The following TBC1D32 variants were observed in gnomAD, a reference collection of about 807,000 sequenced individuals.
The protein encoded by TBC1D32 is protein broad-minded.
Under a neutral mutation model 170.3 loss-of-function variants are expected in TBC1D32, and 151 were observed. The ratio of observed to expected loss-of-function variants is 0.89; its 90% CI spans 0.78 to 1.01. TBC1D32 has a LOEUF of 1.01. Ranked by LOEUF, TBC1D32 falls within the 50% of genes least tolerant of loss-of-function variation. The pLI is 0.00. For missense variants in TBC1D32, 1,464 were observed against 1,457.1 expected, an observed-to-expected ratio of 1.00 and a Z score of -0.08; for synonymous variants, 498 against 488.0, an observed-to-expected ratio of 1.02 and a Z score of -0.27.
intron 15 of TBC1D32, among the ~76,000 whole-genome samples, chr6:121,261,765 C>A (rs890699665): frequency 2.6e-5 from 4 of 152,158 alleles, no homozygotes. Context: ...GGGCACAGAA[C>A]TGGACGGAGG....
chr6:121,141,135 AATAC>A (rs72367876), intron 24 of TBC1D32, among the ~76,000 whole-genome samples: 58,840 of 151,776 alleles, frequency 0.39, 14,497 homozygotes, highest in Non-Finnish European at 0.56. Context: ...ACTATACATA[AATAC>A]ATAAACTCAC....
chr6:121,279,040 A>G, intron 15 of TBC1D32, 81 bp downstream of exon 15: 3 of 1,455,248 alleles, frequency 2.1e-6, no homozygotes, highest in East Asian at 4.8e-5. Flanking sequence ...GCTTTTTTAG[A>G]TCATTTAATA....
chr6:121,107,199 T>G (rs545437747), intron 29 of TBC1D32, among the ~76,000 whole-genome samples: 3 of 152,044 alleles, frequency 2.0e-5, no homozygotes, highest in East Asian at 3.9e-4. Flanking sequence ...TCATAGCAAT[T>G]ATATGAGTTG....
intron 27 of TBC1D32, 95 bp from the exon 28 acceptor site, chr6:121,113,272 C>T: frequency 2.8e-6 from 2 of 707,276 alleles, no homozygotes; most frequent in South Asian, 2.3e-5. Context: ...ATACAGAGCA[C>T]TTATGAAAGA....
At chr6:121,317,250 T>G (rs1035767555) in intron 3 of TBC1D32, among the ~76,000 whole-genome samples, 3 of 152,152 alleles carry the variant, frequency 2.0e-5, no homozygotes, top group Non-Finnish European at 4.4e-5. Context: ...TTTTTTTTAA[T>G]TCTAACATAC....
At chr6:121,326,600 G>A (rs1810492007) in intron 1 of TBC1D32, among the ~76,000 whole-genome samples, 1 of 152,126 alleles carries the variant, frequency 6.6e-6, no homozygotes, top group Admixed American at 6.5e-5. Context: ...ATAACCTCAT[G>A]CTTTTTTCTA....
Position 121,120,494 on chromosome 6 carries a change from G to A in TBC1D32, c.2984-5253C>T, listed in dbSNP as rs115044256. Reference sequence around the variant, plus strand: ...TTAAGTCTAAAGAAATGCCCACTTTGGTCATGCAAATTTCCATGACTATCA... The same window carrying A: ...TTAAGTCTAAAGAAATGCCCACTTTAGTCATGCAAATTTCCATGACTATCA... On this transcript the variant is annotated intron_variant, in intron 26 of 31. Transcript: ENST00000398212. Among the ~76,000 whole-genome samples, 1,514 of 151,978 alleles carry A rather than the reference G, an allele frequency of 1.0e-2. 21 individuals carry two copies. Among genetic ancestry groups the A allele is most frequent in the African/African-American group, 0.034 (1,423 of 41,496 alleles).
chr6:121,324,866 CA>C (rs1442592763), intron 1 of TBC1D32, among the ~76,000 whole-genome samples: 2 of 152,184 alleles, frequency 1.3e-5, no homozygotes, highest in African/African-American at 4.8e-5. Context: ...CTTCTACACA[CA>C]GTTGGCTCTG....
chr6:121,257,237 C>T (rs2128398363), intron 15 of TBC1D32, among the ~76,000 whole-genome samples: 1 of 152,048 alleles, frequency 6.6e-6, no homozygotes, highest in Admixed American at 6.5e-5. Flanking sequence ...TCTTTTGTTT[C>T]GTTTCCTTTT....
chr6:121,153,861 C>G (rs929636921), intron 24 of TBC1D32, among the ~76,000 whole-genome samples: 2 of 151,998 alleles, frequency 1.3e-5, no homozygotes, highest in African/African-American at 2.4e-5. Flanking sequence ...TTGCGTATAC[C>G]AGGTCGACTT....
chr6:121,088,368 A>G (rs1776468333), intron 31 of TBC1D32, among the ~76,000 whole-genome samples: 1 of 152,176 alleles, frequency 6.6e-6, no homozygotes, highest in South Asian at 2.1e-4. Context: ...CAGTTGAATG[A>G]GGAATTCTTA....
At chr6:121,184,638 C>G (rs1788938972) in intron 22 of TBC1D32, among the ~76,000 whole-genome samples, 1 of 151,818 alleles carries the variant, frequency 6.6e-6, no homozygotes, top group Non-Finnish European at 1.5e-5. Flanking sequence ...TCACTTGGAC[C>G]TTTACTCCAG....
intron 24 of TBC1D32, among the ~76,000 whole-genome samples, chr6:121,147,980 T>C (rs1783694187): frequency 6.6e-6 from 1 of 151,488 alleles, no homozygotes; most frequent in African/African-American, 2.4e-5. Flanking sequence ...ATTGGAATAT[T>C]TGTTTGTTGG....
chr6:121,283,531 G>A (rs529774314), intron 13 of TBC1D32, among the ~76,000 whole-genome samples: 1 of 151,806 alleles, frequency 6.6e-6, no homozygotes, highest in African/African-American at 2.4e-5. Flanking sequence ...ATATCCCCCA[G>A]TATCATGTCT....
chr6:121,204,611 T>C (rs1181772035), intron 22 of TBC1D32, among the ~76,000 whole-genome samples: 1 of 151,312 alleles, frequency 6.6e-6, no homozygotes, highest in Non-Finnish European at 1.5e-5. Flanking sequence ...AAATAAAATG[T>C]CAAGGAATAT....
chr6:121,330,161 G>A (rs1043965490), intron 1 of TBC1D32, among the ~76,000 whole-genome samples: 1 of 152,170 alleles, frequency 6.6e-6, no homozygotes, highest in African/African-American at 2.4e-5. Flanking sequence ...AGCTTTCTGA[G>A]TAGCTGGGAC....
intron 15 of TBC1D32, among the ~76,000 whole-genome samples, chr6:121,270,021 A>C (rs1293049724): frequency 6.6e-6 from 1 of 152,184 alleles, no homozygotes; most frequent in Non-Finnish European, 1.5e-5. Flanking sequence ...TACTGGGTAC[A>C]TAATGAAATG....
chr6:121,254,737 G>C (rs1054206315), intron 17 of TBC1D32, among the ~76,000 whole-genome samples: 3 of 151,980 alleles, frequency 2.0e-5, no homozygotes, highest in Non-Finnish European at 4.4e-5. Flanking sequence ...TTTAGACTAT[G>C]CCAATATTTG....
chr6:121,322,360 T>A (rs547491664), intron 1 of TBC1D32, among the ~76,000 whole-genome samples: 1 of 152,276 alleles, frequency 6.6e-6, no homozygotes, highest in African/African-American at 2.4e-5. Context: ...TTCCAATTTA[T>A]CCTACCAGAT....
Sources: gnomAD v4.1 joint callset for allele counts (sites outside exome capture counted in the v4.1 genomes callset) on GRCh38, gnomAD v4.1.1 for gene constraint, MANE v1.5 for transcripts, NCBI Gene and HGNC (gene_info 2026-07-23, HGNC 2026-07-21) for gene names.